The following CRTC3 variants were observed in gnomAD, a reference collection of about 807,000 sequenced individuals.
The protein encoded by CRTC3 is CREB regulated transcription coactivator 3.
CRTC3 carries 26 observed loss-of-function variants against 74.5 expected under a neutral mutation model. The ratio of observed to expected loss-of-function variants is 0.35; its 90% confidence interval spans 0.26 to 0.48. CRTC3 has a LOEUF of 0.48. CRTC3 is among the 20% of genes least tolerant of loss of function. The pLI is 0.99. For missense variants in CRTC3, 760 were observed against 787.3 expected, an observed-to-expected ratio of 0.97 and a Z score of 0.41; for synonymous variants, 377 against 325.8, an observed-to-expected ratio of 1.16 and a Z score of -1.69.
intron 2 of CRTC3, among the ~76,000 whole-genome samples, chr15:90,591,320 A>G (rs938700002): frequency 1.3e-5 from 2 of 151,272 alleles, no homozygotes; most frequent in African/African-American, 4.9e-5. Flanking sequence ...GGGTCTCACT[A>G]TGTTTCCCAG....
At chr15:90,623,853 C>T (rs1968734645) in intron 9 of CRTC3, among the ~76,000 whole-genome samples, 1 of 152,178 alleles carries the variant, frequency 6.6e-6, no homozygotes, top group South Asian at 2.1e-4. Flanking sequence ...GGTCTGAATC[C>T]TCACAGTTCT....
At chr15:90,562,528 G>A (rs1967034333) in intron 2 of CRTC3, among the ~76,000 whole-genome samples, 2 of 152,232 alleles carry the variant, frequency 1.3e-5, no homozygotes, top group African/African-American at 4.8e-5. Context: ...GTTTTTCTCA[G>A]TCTGGATAGA....
At chr15:90,624,268 C>T (rs949975672) in intron 9 of CRTC3, among the ~76,000 whole-genome samples, 12 of 152,150 alleles carry the variant, frequency 7.9e-5, no homozygotes, top group Admixed American at 1.3e-4. Context: ...CCTATATCAC[C>T]CCTGGACCAC....
chr15:90,543,653 T>C (rs1206964275), intron 2 of CRTC3, among the ~76,000 whole-genome samples: 1 of 152,224 alleles, frequency 6.6e-6, no homozygotes, highest in Non-Finnish European at 1.5e-5. Context: ...GTGGGAGCCC[T>C]CTTCCGAACT....
intron 6 of CRTC3, among the ~76,000 whole-genome samples, chr15:90,608,759 C>T (rs569028939): frequency 6.6e-6 from 1 of 152,358 alleles, no homozygotes; most frequent in East Asian, 1.9e-4. Flanking sequence ...TGAAGAATCA[C>T]ACACTGGCTC....
chr15:90,547,634 T>C (rs1453571678), intron 2 of CRTC3, among the ~76,000 whole-genome samples: 1 of 152,176 alleles, frequency 6.6e-6, no homozygotes, highest in Admixed American at 6.5e-5. Flanking sequence ...TAGCTAGGGT[T>C]ATAGCCCTCA....
Position 90,642,269 on chromosome 15 carries a change from G to A in CRTC3, c.*129G>A. ...AAGGAAGCAATGCCACGGCTCCAGG[G>A]TTTCAGATGAGATCCCATCTCAGAC... On this transcript the variant is annotated 3_prime_UTR_variant, in exon 15 of 15. Coordinates refer to ENST00000268184, the MANE Select transcript of CRTC3 (RefSeq NM_022769.5). The A allele has an allele frequency of 2.8e-6, 2 of 720,436 alleles. No individual in the cohort carries two copies. Among genetic ancestry groups the A allele is most frequent in the Non-Finnish European group, 4.7e-6 (2 of 428,386 alleles). The allele number at this position is 720,436 out of a possible 1,614,324, so 44.6% of individuals were successfully genotyped here. A position where few individuals can be genotyped will look rare whatever the true frequency, so the allele number is the denominator to read the frequency against.
At chr15:90,598,563 C>A (rs1025611092) in intron 3 of CRTC3, 8 of 701,216 alleles carry the variant, frequency 1.1e-5, no homozygotes, top group Non-Finnish European at 2.1e-5. Flanking sequence ...ACTGGGATGA[C>A]TCTGAGATCC....
intron 2 of CRTC3, among the ~76,000 whole-genome samples, chr15:90,546,309 A>G (rs7161867): frequency 0.014 from 2,192 of 152,210 alleles, 49 homozygotes; most frequent in African/African-American, 0.049. Flanking sequence ...TCTTTTCCCT[A>G]TTGAATGCCT....
chr15:90,631,613 A>G (rs1448116011), intron 11 of CRTC3, among the ~76,000 whole-genome samples: 1 of 151,616 alleles, frequency 6.6e-6, no homozygotes, highest in Non-Finnish European at 1.5e-5. Flanking sequence ...CTGTAATCCC[A>G]CCTACTCAGG....
chr15:90,625,896 G>A lies in CRTC3; in HGVS notation c.870G>A (p.Leu290=), dbSNP rs1313543361. ...LHYSTPLPAS[L]DTTDHHFGSM... is the part of the protein sequence containing the mutation. ...ACTCGACACCCCTGCCAGCCTCCCT[G>A]GACACCACCGACCACCACTTTGGCA... Residue 290 remains leucine (L), a synonymous_variant, in exon 10 of 15, where the codon CTG becomes CTA. Coordinates refer to ENST00000268184, the MANE Select transcript of CRTC3 (RefSeq NM_022769.5). 2.5e-6 allele frequency: 4 copies of A among 1,614,160 alleles called. No homozygotes were observed. Among genetic ancestry groups the A allele is most frequent in the Non-Finnish European group, 3.4e-6 (4 of 1,180,022 alleles).
At chr15:90,586,146 T>C (rs1200996603) in intron 2 of CRTC3, among the ~76,000 whole-genome samples, 2 of 152,174 alleles carry the variant, frequency 1.3e-5, no homozygotes, top group African/African-American at 4.8e-5. Flanking sequence ...CTTTTTTTCT[T>C]GATCACGAGT....
intron 11 of CRTC3, among the ~76,000 whole-genome samples, chr15:90,630,094 A>C (rs1403575120): frequency 6.6e-6 from 1 of 152,208 alleles, no homozygotes; most frequent in Non-Finnish European, 1.5e-5. Flanking sequence ...AATGTTGAAC[A>C]ATCTGTAGTC....
chr15:90,623,516 C>T (rs1199438711), intron 9 of CRTC3, among the ~76,000 whole-genome samples: 1 of 152,158 alleles, frequency 6.6e-6, no homozygotes, highest in African/African-American at 2.4e-5. Flanking sequence ...CAGAGTTGTT[C>T]TTGAGTCCTA....
In CRTC3 at chr15:90,540,125, G is replaced by C; in HGVS notation, c.219G>C (p.Ala73=). Residue 73 remains alanine (A), a synonymous_variant, in exon 2 of 15, where the codon GCG becomes GCC. Coordinates refer to ENST00000268184, the MANE Select transcript of CRTC3 (RefSeq NM_022769.5). ...ATGTGAGCCAGCTGCGGAGCAGTGC[G>C]TCAGAGTTTCAGGTACCTCCAGATA... ...LPNVSQLRSS[A]SEFQPSFHQA... is the part of the protein sequence containing the mutation. 1 of 1,608,300 alleles carries C rather than the reference G, an allele frequency of 6.2e-7. No individual in the cohort carries two copies. The highest frequency in any genetic ancestry group is 8.5e-7 in the Non-Finnish European group (1 of 1,176,260).
chr15:90,586,698 A>G (rs1967673782), intron 2 of CRTC3, among the ~76,000 whole-genome samples: 1 of 152,130 alleles, frequency 6.6e-6, no homozygotes, highest in African/African-American at 2.4e-5. Flanking sequence ...ATTTGGTCAT[A>G]CCATTAGCAT....
intron 2 of CRTC3, among the ~76,000 whole-genome samples, chr15:90,586,063 T>G (rs11853399): frequency 0.012 from 1,825 of 152,308 alleles, 38 homozygotes; most frequent in African/African-American, 0.042. Flanking sequence ...TGAAGCTTCA[T>G]GCAAGTACCC....
intron 9 of CRTC3, among the ~76,000 whole-genome samples, chr15:90,620,964 A>C (rs1413873084): frequency 6.6e-6 from 1 of 152,130 alleles, no homozygotes; most frequent in Admixed American, 6.5e-5. Context: ...GGTTAAACGT[A>C]AACTCAGGTG....
At chr15:90,581,126 G>A (rs1003376726) in intron 2 of CRTC3, among the ~76,000 whole-genome samples, 19 of 152,090 alleles carry the variant, frequency 1.2e-4, no homozygotes, top group Admixed American at 9.2e-4. Context: ...GTCTGGTGGC[G>A]GCTAGATGGC....
Sources: allele counts gnomAD v4.1 joint callset (sites outside exome capture counted in the v4.1 genomes callset), GRCh38; gene constraint gnomAD v4.1.1; transcripts MANE v1.5; gene names NCBI Gene and HGNC (gene_info 2026-07-23, HGNC 2026-07-21).